The following SORCS3 variants were observed in gnomAD, a reference collection of about 807,000 sequenced individuals.
SORCS3 encodes VPS10 domain-containing receptor SorCS3.
In SORCS3, 57 loss-of-function variants were observed where a neutral mutation model predicts 146.3. The observed-to-expected ratio is 0.39, with a 90% CI of 0.31 to 0.49. The LOEUF (loss-of-function observed/expected upper bound fraction) is 0.49. Among genes scored for constraint, SORCS3 ranks in the 20% least tolerant of loss-of-function variants. The pLI is 0.92. For missense variants in SORCS3, 1,341 were observed against 1,575.5 expected, an observed-to-expected ratio of 0.85 and a Z score of 2.52; for synonymous variants, 653 against 618.5, an observed-to-expected ratio of 1.06 and a Z score of -0.83.
intron 1 of SORCS3, among the ~76,000 whole-genome samples, chr10:104,730,529 C>T (rs1219649476): frequency 1.3e-5 from 2 of 152,222 alleles, no homozygotes; most frequent in African/African-American, 2.4e-5. Flanking sequence ...TTTTCATTCC[C>T]TGCTTCTACC....
chr10:105,240,813 C>G (rs1401126603), intron 20 of SORCS3, among the ~76,000 whole-genome samples: 1 of 152,058 alleles, frequency 6.6e-6, no homozygotes, highest in Non-Finnish European at 1.5e-5. Context: ...AGTCCCCCTT[C>G]TCAGTCAATC....
At chr10:105,029,689 T>C (rs1304524089) in intron 4 of SORCS3, among the ~76,000 whole-genome samples, 1 of 152,194 alleles carries the variant, frequency 6.6e-6, no homozygotes, top group Non-Finnish European at 1.5e-5. Context: ...GTACTCTTCT[T>C]TAATGAGTCC....
chr10:104,739,537 C>T (rs571912163), intron 1 of SORCS3, among the ~76,000 whole-genome samples: 3 of 152,130 alleles, frequency 2.0e-5, no homozygotes, highest in South Asian at 2.1e-4. Flanking sequence ...TCATCACCAA[C>T]GAGTCAAGAC....
chr10:104,963,675 A>G (rs574301421), intron 3 of SORCS3, among the ~76,000 whole-genome samples: 7 of 151,986 alleles, frequency 4.6e-5, no homozygotes, highest in Non-Finnish European at 8.8e-5. Context: ...CGGAGTATAA[A>G]CCTTGTACAT....
chr10:104,702,955 G>A (rs2016297938), intron 1 of SORCS3, among the ~76,000 whole-genome samples: 2 of 152,166 alleles, frequency 1.3e-5, no homozygotes, highest in Non-Finnish European at 2.9e-5. Context: ...CTAGGCATTG[G>A]AGAAATAATG....
chr10:105,010,026 G>A (rs538277130), intron 4 of SORCS3, among the ~76,000 whole-genome samples: 25 of 152,190 alleles, frequency 1.6e-4, no homozygotes, highest in African/African-American at 5.5e-4. Context: ...CAAACCCTGA[G>A]GCACAATCAG....
intron 3 of SORCS3, among the ~76,000 whole-genome samples, chr10:104,967,528 C>A (rs2054832601): frequency 6.6e-6 from 1 of 152,086 alleles, no homozygotes. Context: ...TCCTCAGTCC[C>A]CTTTATGCCC....
chr10:105,139,545 G>C, intron 8 of SORCS3, 59 bp downstream of exon 8: 1 of 1,369,820 alleles, frequency 7.3e-7, no homozygotes, highest in Admixed American at 1.7e-5. Context: ...GGTTGGAGAG[G>C]CTGCTTTGTT....
At chr10:104,783,789 A>T (rs2017402085) in intron 1 of SORCS3, among the ~76,000 whole-genome samples, 3 of 152,156 alleles carry the variant, frequency 2.0e-5, no homozygotes, top group Non-Finnish European at 4.4e-5. Context: ...TCAAAGATGA[A>T]TTGTGTATGG....
intron 5 of SORCS3, among the ~76,000 whole-genome samples, chr10:105,049,359 C>T (rs931616400): frequency 1.3e-5 from 2 of 151,986 alleles, no homozygotes; most frequent in African/African-American, 4.8e-5. Context: ...ATTTATTGTC[C>T]ACAGTCCATC....
chr10:105,085,075 C>T (rs2055651342), intron 5 of SORCS3, among the ~76,000 whole-genome samples: 4 of 152,184 alleles, frequency 2.6e-5, no homozygotes, highest in Admixed American at 2.6e-4. Context: ...CCCATCCCCA[C>T]CAGGCGATAT....
chr10:105,133,926 C>G (rs985855939), intron 7 of SORCS3, among the ~76,000 whole-genome samples: 2 of 152,162 alleles, frequency 1.3e-5, no homozygotes, highest in Admixed American at 1.3e-4. Context: ...CCACTGCACT[C>G]TAGCCTGGGT....
chr10:105,154,783 G>A (rs2056194679), intron 9 of SORCS3, among the ~76,000 whole-genome samples: 3 of 152,102 alleles, frequency 2.0e-5, no homozygotes. Context: ...ATGCATATAT[G>A]GGTATGAGTC....
At chr10:105,172,394 C>G (rs1190753876) in intron 13 of SORCS3, among the ~76,000 whole-genome samples, 1 of 152,110 alleles carries the variant, frequency 6.6e-6, no homozygotes, top group Non-Finnish European at 1.5e-5. Context: ...TATTCTTATC[C>G]ACAAATATTT....
intron 1 of SORCS3, among the ~76,000 whole-genome samples, chr10:104,814,872 C>A (rs2017779543): frequency 6.6e-6 from 1 of 152,204 alleles, no homozygotes; most frequent in South Asian, 2.1e-4. Flanking sequence ...AGTCTTCTCA[C>A]ATTATTATAT....
At chr10:104,859,433 A>T (rs1389514959) in intron 2 of SORCS3, among the ~76,000 whole-genome samples, 1 of 152,200 alleles carries the variant, frequency 6.6e-6, no homozygotes, top group African/African-American at 2.4e-5. Flanking sequence ...TGGATTAAAG[A>T]CTTAAACGTT....
At chr10:105,054,130 T>G (rs1459999410) in intron 5 of SORCS3, among the ~76,000 whole-genome samples, 1 of 152,120 alleles carries the variant, frequency 6.6e-6, no homozygotes, top group East Asian at 1.9e-4. Context: ...TTCTTTTATG[T>G]GACCATCTGT....
chr10:104,899,202 T>G (rs139080761), intron 2 of SORCS3, among the ~76,000 whole-genome samples: 10 of 152,340 alleles, frequency 6.6e-5, no homozygotes, highest in African/African-American at 2.2e-4. Context: ...AAATATTCAT[T>G]TAAGTGTTCT....
chr10:104,699,713 C>T (rs1025133152), intron 1 of SORCS3, among the ~76,000 whole-genome samples: 8 of 152,006 alleles, frequency 5.3e-5, no homozygotes, highest in African/African-American at 1.9e-4. Flanking sequence ...GATATGGGGT[C>T]TTTAATGTCA....
Sources: gnomAD v4.1 joint callset for allele counts (sites outside exome capture counted in the v4.1 genomes callset) on GRCh38, gnomAD v4.1.1 for gene constraint, MANE v1.5 for transcripts, NCBI Gene and HGNC (gene_info 2026-07-23, HGNC 2026-07-21) for gene names.